The following NXPH1 variants were observed in gnomAD, a reference collection of about 807,000 sequenced individuals.
The protein encoded by NXPH1 is neurexophilin 1.
Under a neutral mutation model 23.7 loss-of-function variants are expected in NXPH1, and 5 were observed. That is an observed-to-expected ratio of 0.21 (90% CI 0.11 to 0.44). The LOEUF (loss-of-function observed/expected upper bound fraction) is 0.44. NXPH1 is among the 20% of genes least tolerant of loss of function. NXPH1 has a pLI of 0.99. For synonymous variants in NXPH1, 144 were observed against 122.2 expected (o/e 1.18, Z -1.18); for missense variants, 324 against 321.6 (o/e 1.01, Z -0.06).
At chr7:8,644,519 G>A (rs1163286208) in intron 2 of NXPH1, among the ~76,000 whole-genome samples, 1 of 151,944 alleles carries the variant, frequency 6.6e-6, no homozygotes, top group Non-Finnish European at 1.5e-5. Context: ...CTGGTTTGTT[G>A]ATGGCATTTT....
chr7:8,614,573 T>C (rs1819694363), intron 2 of NXPH1, among the ~76,000 whole-genome samples: 1 of 151,930 alleles, frequency 6.6e-6, no homozygotes, highest in African/African-American at 2.4e-5. Flanking sequence ...CACATACACA[T>C]ACACATTTAG....
At chr7:8,711,020 C>G (rs1217660399) in intron 2 of NXPH1, among the ~76,000 whole-genome samples, 1 of 152,154 alleles carries the variant, frequency 6.6e-6, no homozygotes, top group Non-Finnish European at 1.5e-5. Context: ...ATTTTATTTC[C>G]TACATCTTTC....
At chr7:8,687,570 A>G (rs888633209) in intron 2 of NXPH1, among the ~76,000 whole-genome samples, 1 of 152,148 alleles carries the variant, frequency 6.6e-6, no homozygotes, top group African/African-American at 2.4e-5. Context: ...CTGAACATGC[A>G]TGGGTACAAA....
chr7:8,602,859 C>T (rs569459054), intron 2 of NXPH1, among the ~76,000 whole-genome samples: 1 of 151,962 alleles, frequency 6.6e-6, no homozygotes, highest in East Asian at 1.9e-4. Context: ...TTGATGGAGT[C>T]TCACTGTTGC....
chr7:8,677,227 A>G (rs1820965284), intron 2 of NXPH1, among the ~76,000 whole-genome samples: 1 of 152,244 alleles, frequency 6.6e-6, no homozygotes, highest in Admixed American at 6.5e-5. Context: ...AACCAGGTTG[A>G]TAATGACAGA....
At chr7:8,700,842 T>C (rs1366885037) in intron 2 of NXPH1, among the ~76,000 whole-genome samples, 1 of 152,092 alleles carries the variant, frequency 6.6e-6, no homozygotes, top group Middle Eastern at 3.2e-3. Flanking sequence ...TGATGGTCTC[T>C]GGGCTCAATC....
chr7:8,586,433 T>C (rs537820454), intron 2 of NXPH1, among the ~76,000 whole-genome samples: 115 of 152,144 alleles, frequency 7.6e-4, no homozygotes, highest in Non-Finnish European at 1.3e-3. Flanking sequence ...ATTGCTGGTA[T>C]GCAAGTAGAG....
At chr7:8,453,523 A>G (rs952465276) in intron 2 of NXPH1, among the ~76,000 whole-genome samples, 2 of 152,298 alleles carry the variant, frequency 1.3e-5, no homozygotes, top group East Asian at 3.9e-4. Context: ...ATGAGTTGTA[A>G]AGAACCATTT....
At chr7:8,532,588 A>G (rs1451926497) in intron 2 of NXPH1, among the ~76,000 whole-genome samples, 1 of 151,760 alleles carries the variant, frequency 6.6e-6, no homozygotes, top group African/African-American at 2.4e-5. Context: ...CGACTTTCCT[A>G]TGTAGACCAC....
intron 2 of NXPH1, among the ~76,000 whole-genome samples, chr7:8,727,680 C>A (rs1352145740): frequency 2.0e-5 from 3 of 152,130 alleles, no homozygotes; most frequent in Non-Finnish European, 4.4e-5. Context: ...GGGCTCTGTT[C>A]TGTTCCGTTG....
intron 2 of NXPH1, among the ~76,000 whole-genome samples, chr7:8,678,928 ATTTTTTTTTTTTTTTTTTTTTTTTTT>A (rs540056222): frequency 2.9e-5 from 2 of 68,762 alleles, no homozygotes; most frequent in Admixed American, 1.6e-4. Context: ...GCTTTATCCA[ATTTTTTTTTTTTTTTTTTTTTTTTTT>A]TTTTTTTTTG....
At chr7:8,643,400 A>G (rs180961993) in intron 2 of NXPH1, among the ~76,000 whole-genome samples, 137 of 152,308 alleles carry the variant, frequency 9.0e-4, no homozygotes, top group African/African-American at 3.3e-3. Context: ...ATACTTTATT[A>G]GGAATTTTAC....
At chr7:8,667,479 G>GTTTT (rs1820791261) in intron 2 of NXPH1, among the ~76,000 whole-genome samples, 1 of 147,766 alleles carries the variant, frequency 6.8e-6, no homozygotes, top group African/African-American at 2.5e-5. Context: ...TTTTTTCTCC[G>GTTTT]CAGCATTTTG....
intron 2 of NXPH1, among the ~76,000 whole-genome samples, chr7:8,682,912 G>T (rs1393691366): frequency 6.6e-6 from 1 of 152,212 alleles, no homozygotes; most frequent in Non-Finnish European, 1.5e-5. Flanking sequence ...GCTTATTCCA[G>T]CACAAAGAGC....
intron 2 of NXPH1, among the ~76,000 whole-genome samples, chr7:8,645,248 C>A (rs945364169): frequency 1.3e-5 from 2 of 152,060 alleles, no homozygotes; most frequent in South Asian, 2.1e-4. Flanking sequence ...ATAACTTAAC[C>A]TTTTCCCAAA....
chr7:8,438,312 A>G (rs1428403422), intron 2 of NXPH1, among the ~76,000 whole-genome samples: 1 of 152,238 alleles, frequency 6.6e-6, no homozygotes, highest in African/African-American at 2.4e-5. Context: ...ACATTGGAAG[A>G]TCTTATCCCT....
intron 2 of NXPH1, among the ~76,000 whole-genome samples, chr7:8,456,701 C>G (rs527443624): frequency 1.3e-5 from 2 of 152,174 alleles, no homozygotes; most frequent in South Asian, 2.1e-4. Context: ...TTATCCATAA[C>G]TTTTTACATC....
chr7:8,479,201 G>C (rs1817031291), intron 2 of NXPH1, among the ~76,000 whole-genome samples: 2 of 151,994 alleles, frequency 1.3e-5, no homozygotes, highest in South Asian at 4.1e-4. Flanking sequence ...TGAATATAAG[G>C]AATAATTTAT....
rs372806626 is a variant in NXPH1 at position 8,671,989 on chromosome 7, C to T, written c.55-79019C>T. ...AATTTGTTTGAGTTCATTGTAGATT[C>T]TGGATATTAGCCCTTTGTCAGATGA... On this transcript the variant is annotated intron_variant, in intron 2 of 2. Coordinates refer to ENST00000405863, the MANE Select transcript of NXPH1 (RefSeq NM_152745.3). Among the ~76,000 whole-genome samples the T allele has an allele frequency of 2.6e-5, 4 of 152,120 alleles. No individual in the cohort carries two copies. In the East Asian group the frequency reaches 5.8e-4, roughly 22 times the overall value.
Sources: allele counts gnomAD v4.1 joint callset (sites outside exome capture counted in the v4.1 genomes callset), GRCh38; gene constraint gnomAD v4.1.1; transcripts MANE v1.5; gene names NCBI Gene and HGNC (gene_info 2026-07-23, HGNC 2026-07-21).